EML4: variants seen among roughly 807,000 people sequenced by gnomAD.
EML4 encodes echinoderm microtubule-associated protein-like 4.
A neutral mutation model predicts 129.0 loss-of-function variants in EML4; 72 were observed. The observed-to-expected ratio is 0.56, with a 90% CI of 0.46 to 0.68. The LOEUF (loss-of-function observed/expected upper bound fraction) is 0.68. EML4 is among the 30% of genes least tolerant of loss of function. EML4 has a pLI of 0.00. For missense variants in EML4, 1,363 were observed against 1,190.6 expected, an observed-to-expected ratio of 1.14 and a Z score of -2.13; for synonymous variants, 532 against 405.0, an observed-to-expected ratio of 1.31 and a Z score of -3.77.
At chr2:42,182,205 T>G (rs1670987592) in intron 1 of EML4, among the ~76,000 whole-genome samples, 1 of 151,378 alleles carries the variant, frequency 6.6e-6, no homozygotes, top group Admixed American at 6.6e-5. Context: ...ATGTGCACAT[T>G]GTGCAGGTTA....
chr2:42,178,206 G>C (rs572828491), intron 1 of EML4, among the ~76,000 whole-genome samples: 8 of 152,196 alleles, frequency 5.3e-5, no homozygotes, highest in African/African-American at 1.9e-4. Context: ...AAATTGGTAG[G>C]GCTAGGGTAT....
At chr2:42,233,472 A>G (rs142637256) in intron 1 of EML4, among the ~76,000 whole-genome samples, 3,512 of 148,026 alleles carry the variant, frequency 0.024, 125 homozygotes, top group African/African-American at 0.082. Flanking sequence ...TGCCCAGCCA[A>G]TTTTTTTTTT....
chr2:42,289,051 C>T (rs1667471522), intron 11 of EML4: 1 of 152,180 alleles, frequency 6.6e-6, no homozygotes, highest in South Asian at 2.1e-4. Flanking sequence ...GAGTAAGCTT[C>T]AAGCTTTTAG....
At chr2:42,246,444 A>G (rs923956854) in intron 2 of EML4, among the ~76,000 whole-genome samples, 4 of 152,190 alleles carry the variant, frequency 2.6e-5, no homozygotes, top group Non-Finnish European at 5.9e-5. Context: ...TTGCCTTCCT[A>G]CTTCGATGTC....
At chr2:42,202,480 T>G (rs1672289208) in intron 1 of EML4, among the ~76,000 whole-genome samples, 1 of 152,074 alleles carries the variant, frequency 6.6e-6, no homozygotes, top group African/African-American at 2.4e-5. Context: ...AAAAGGGAGT[T>G]TATTAAGGAA....
intron 21 of EML4, 111 bp downstream of exon 21, chr2:42,326,363 C>A: frequency 1.4e-6 from 1 of 707,182 alleles, no homozygotes; most frequent in Non-Finnish European, 2.3e-6. Flanking sequence ...TTAGCTTTAT[C>A]ACTATTAATG....
chr2:42,181,548 A>G (rs549817652), intron 1 of EML4, among the ~76,000 whole-genome samples: 2 of 152,208 alleles, frequency 1.3e-5, no homozygotes, highest in South Asian at 2.1e-4. Flanking sequence ...GACCTACCTC[A>G]GCCTCCCAAA....
intron 17 of EML4, among the ~76,000 whole-genome samples, chr2:42,314,486 C>G (rs2103781362): frequency 6.6e-6 from 1 of 152,228 alleles, no homozygotes; most frequent in East Asian, 1.9e-4. Context: ...GTAAGAGAAA[C>G]AGAATTTATA....
intron 11 of EML4, 89 bp downstream of exon 11, chr2:42,288,411 A>G (rs1667432509): frequency 5.0e-6 from 3 of 595,386 alleles, no homozygotes. Flanking sequence ...AGAACTATCT[A>G]TTCGTAAGTC....
At chr2:42,227,470 A>T (rs1674043755) in intron 1 of EML4, among the ~76,000 whole-genome samples, 1 of 140,414 alleles carries the variant, frequency 7.1e-6, no homozygotes, top group African/African-American at 3.0e-5. Flanking sequence ...GAGCCTGTTA[A>T]GGCTTTTTTT....
intron 1 of EML4, among the ~76,000 whole-genome samples, chr2:42,231,138 C>G (rs1259791993): frequency 6.6e-6 from 1 of 152,216 alleles, no homozygotes; most frequent in African/African-American, 2.4e-5. Context: ...TCCCATGACT[C>G]CACTGAAACT....
At chr2:42,325,038 G>C (rs1669710869) in intron 19 of EML4, among the ~76,000 whole-genome samples, 1 of 152,156 alleles carries the variant, frequency 6.6e-6, no homozygotes, top group Non-Finnish European at 1.5e-5. Context: ...GTTGTACCAT[G>C]GATAATTCAG....
intron 1 of EML4, among the ~76,000 whole-genome samples, chr2:42,242,914 A>T (rs572968191): frequency 2.6e-5 from 4 of 152,006 alleles, no homozygotes; most frequent in Non-Finnish European, 5.9e-5. Flanking sequence ...AGTAGCTGGG[A>T]CTACAAACAC....
At chr2:42,312,321 T>C (rs1295174382) in intron 17 of EML4, among the ~76,000 whole-genome samples, 1 of 152,198 alleles carries the variant, frequency 6.6e-6, no homozygotes, top group East Asian at 1.9e-4. Context: ...AAAAACTGGT[T>C]CAGGCCGTAA....
chr2:42,260,432 C>G (rs1219049214), intron 3 of EML4, among the ~76,000 whole-genome samples: 1 of 152,186 alleles, frequency 6.6e-6, no homozygotes, highest in Non-Finnish European at 1.5e-5. Context: ...TCCCAAAGTG[C>G]TTGGATTACA....
At chr2:42,178,612 A>G (rs912383464) in intron 1 of EML4, among the ~76,000 whole-genome samples, 3 of 152,200 alleles carry the variant, frequency 2.0e-5, no homozygotes, top group East Asian at 1.9e-4. Flanking sequence ...GGTGCCTGTC[A>G]CGTGAGAGAT....
intron 1 of EML4, among the ~76,000 whole-genome samples, chr2:42,199,089 T>G (rs780747301): frequency 4.6e-5 from 7 of 152,122 alleles, no homozygotes; most frequent in Non-Finnish European, 1.0e-4. Context: ...TGGAAGAACA[T>G]TAACACCAAA....
chr2:42,300,072 A>C (rs1668193624), intron 13 of EML4, among the ~76,000 whole-genome samples: 1 of 152,200 alleles, frequency 6.6e-6, no homozygotes, highest in African/African-American at 2.4e-5. Context: ...GAGTAATATC[A>C]CATTGTATAG....
At chr2:42,209,667 C>T (rs1267772143) in intron 1 of EML4, among the ~76,000 whole-genome samples, 1 of 152,200 alleles carries the variant, frequency 6.6e-6, no homozygotes, top group African/African-American at 2.4e-5. Context: ...CGGTGGCTCA[C>T]GCCTGCAATC....
Sources: gnomAD v4.1 joint callset for allele counts (sites outside exome capture counted in the v4.1 genomes callset) on GRCh38, gnomAD v4.1.1 for gene constraint, MANE v1.5 for transcripts, NCBI Gene and HGNC (gene_info 2026-07-23, HGNC 2026-07-21) for gene names.